COL20A1: variants seen among roughly 807,000 people sequenced by gnomAD.
COL20A1 encodes collagen alpha-1(XX) chain.
Under a neutral mutation model 152.9 loss-of-function variants are expected in COL20A1, and 164 were observed. That is an observed-to-expected ratio of 1.07 (90% CI 0.94 to 1.22). The LOEUF is 1.22. Ranked by LOEUF, COL20A1 falls within the 50% of genes most tolerant of loss-of-function variation. The pLI is 0.00. For missense variants in COL20A1, 1,873 were observed against 1,744.8 expected (o/e 1.07, Z -1.31); for synonymous variants, 864 against 756.0 (o/e 1.14, Z -2.34).
Position 63,316,583 on chromosome 20 carries a change from TG to T in COL20A1, c.2557del (p.Glu853LysfsTer31). On this transcript the variant is annotated frameshift_variant, in exon 21 of 36. Transcript: ENST00000358894. LOFTEE classifies it high-confidence loss of function. The part of the protein sequence containing the change: ...GFDLMVAFSL[V>X]EKAYASIRGV... Reference sequence around the variant, plus strand: ...GACCTGATGGTGGCCTTCAGCCTGGTGGAAAAGGCTTATGCGTCCATCCGGG... The same window carrying T: ...GACCTGATGGTGGCCTTCAGCCTGGTGAAAAGGCTTATGCGTCCATCCGGG... 6.3e-7 allele frequency: 1 copy of T among 1,589,228 alleles called. No individual in the cohort carries two copies. Among genetic ancestry groups the T allele is most frequent in the South Asian group, 1.1e-5 (1 of 87,142 alleles).
chr20:63,321,045 T>G lies in COL20A1; in HGVS notation c.3186T>G (p.Ser1062=), dbSNP rs770055495. 1 of 1,601,150 alleles carries G rather than the reference T, an allele frequency of 6.2e-7. No individual in the cohort carries two copies. The highest frequency in any genetic ancestry group is 8.5e-7 in the Non-Finnish European group (1 of 1,174,682). Reference sequence around the variant, plus strand: ...GAGAGACCTGCCCCGCCTTCGTGTCTGCCTGTTCCTGTTCCTCAGAGACCC... The same window carrying G: ...GAGAGACCTGCCCCGCCTTCGTGTCGGCCTGTTCCTGTTCCTCAGAGACCC... ...RDGETCPAFV[S]ACSCSSETPG... is the part of the protein sequence containing the mutation. The change falls in exon 26 of 36, where the codon TCT becomes TCG. Residue 1062 remains serine (S), a synonymous_variant. Coordinates refer to ENST00000358894, the MANE Select transcript of COL20A1 (RefSeq NM_020882.4).
At position 63,305,080 on chromosome 20, in the gene COL20A1, C is replaced by T. The variant is rs1310412726; in HGVS notation, c.194-337C>T. On this transcript the variant is annotated intron_variant, in intron 3 of 35. Transcript: ENST00000358894. The surrounding 1 kb of genome is among the most constrained non-coding windows in gnomAD (Gnocchi z 4.9). ...CGGACTCTTCCTTCTTGGACCTGGC[C>T]CCTCGGGTCGTCATCCCCTCCCTGG... Among the ~76,000 whole-genome samples the T allele has an allele frequency of 3.9e-5, 6 of 152,168 alleles. No homozygotes were observed. The highest frequency in any genetic ancestry group is 7.3e-5 in the Non-Finnish European group (5 of 68,030).
rs1383967310 is a variant in COL20A1, at chr20:63,319,246, G to A, written c.2806+46G>A. 2 of 1,588,814 alleles carry A rather than the reference G, an allele frequency of 1.3e-6. No individual in the cohort carries two copies. Among genetic ancestry groups the A allele is most frequent in the Non-Finnish European group, 1.7e-6 (2 of 1,166,276 alleles). On this transcript the variant is annotated intron_variant, in intron 22 of 35. Transcript: ENST00000358894. The surrounding 1 kb of genome is among the most constrained non-coding windows in gnomAD (Gnocchi z 4.4). ...CCCCCAGCAGTCAGGAGGAGTAGGG[G>A]CAGGGAGGCCCCAGAGCCCTGGGAG...
Position 63,313,824 on chromosome 20 carries a change from C to T in COL20A1, c.2291C>T (p.Pro764Leu), listed in dbSNP as rs755789566. Residue 764 changes from proline (P) to leucine (L), a missense_variant, in exon 18 of 36, where the codon CCG becomes CTG. Transcript: ENST00000358894. The surrounding 1 kb of genome is among the most constrained non-coding windows in gnomAD (Gnocchi z 5.9). Reference protein sequence around the residue: ...PDSLQVSWTPPLGRVLHYWLT... With the variant: ...PDSLQVSWTPLLGRVLHYWLT... ...AGCCTGCAGGTCAGCTGGACGCCCCCGCTTGGCCGCGTGCTCCATTACTGG... is the reference window on the plus strand; with the variant it reads ...AGCCTGCAGGTCAGCTGGACGCCCCTGCTTGGCCGCGTGCTCCATTACTGG... 6 of 1,611,212 alleles carry T rather than the reference C, an allele frequency of 3.7e-6. No homozygotes were observed. The highest frequency in any genetic ancestry group is 1.7e-5 in the Admixed American group (1 of 59,862).
Position 63,314,163 on chromosome 20 carries a change from C to T in COL20A1, c.2450C>T (p.Ala817Val), listed in dbSNP as rs1454971135. The T allele has an allele frequency of 1.3e-5, 21 of 1,587,072 alleles. No homozygotes were observed. In the South Asian group the frequency reaches 2.2e-4, roughly 16 times the overall value. ...GTCCTGGTCTCAGCTATCTATGCAG[C>T]AGGCAGGAGTGAGGCTGTGTCTGCC... The part of the protein sequence containing the change: ...YRVLVSAIYA[A>V]GRSEAVSATG... Residue 817 changes from alanine (A) to valine (V), a missense_variant, in exon 19 of 36, where the codon GCA (alanine) becomes GTA (valine). Ala to Val is a moderately conservative substitution (Grantham distance 64). Coordinates refer to ENST00000358894, the MANE Select transcript of COL20A1 (RefSeq NM_020882.4).
At chr20:63,315,590 G>T (rs1363438062) in intron 20 of COL20A1, among the ~76,000 whole-genome samples, 151 bp downstream of exon 20, 1 of 152,238 alleles carries the variant, frequency 6.6e-6, no homozygotes, top group East Asian at 1.9e-4. Flanking sequence ...ACGTCCCTGT[G>T]GCTGGCTGGG....
intron 20 of COL20A1, among the ~76,000 whole-genome samples, chr20:63,316,057 AG>A (rs2068079855): frequency 6.6e-6 from 1 of 152,144 alleles, no homozygotes; most frequent in Non-Finnish European, 1.5e-5. Flanking sequence ...GCAGGCCCCC[AG>A]GCAGGGTGGA....
rs377073867 is a variant in COL20A1, at chr20:63,309,851, C to A, written c.1199C>A (p.Ala400Asp). ...SSSIRLSWTP[A>D]PRHPLKYLIV... Reference sequence around the variant, plus strand: ...AGCATCCGCCTGTCCTGGACTCCAGCCCCCCGGCACCCCCTCAAGTATCTG... The same window carrying A: ...AGCATCCGCCTGTCCTGGACTCCAGACCCCCGGCACCCCCTCAAGTATCTG... Residue 400 changes from alanine (A) to aspartate (D), a missense_variant, in exon 10 of 36, where the codon GCC becomes GAC. Coordinates refer to ENST00000358894, the MANE Select transcript of COL20A1 (RefSeq NM_020882.4). 4 of 1,610,680 alleles carry A rather than the reference C, an allele frequency of 2.5e-6. No homozygotes were observed. In the African/African-American group the frequency reaches 5.3e-5, roughly 22 times the overall value.
chr20:63,293,565 G>A (rs866347907), intron 1 of COL20A1, among the ~76,000 whole-genome samples: 3 of 152,132 alleles, frequency 2.0e-5, no homozygotes, highest in Admixed American at 1.3e-4. Flanking sequence ...AGCAGAGAGC[G>A]GCTTGCACTT....
At chr20:63,309,525 T>G (rs1419425771) in intron 9 of COL20A1, 28 bp downstream of exon 9, 1 of 1,474,812 alleles carries the variant, frequency 6.8e-7, no homozygotes. Flanking sequence ...CCGCACAGGC[T>G]GCAGCCCCCC....
At chr20:63,308,208 T>C in intron 7 of COL20A1, 118 bp downstream of exon 7, 1 of 1,260,494 alleles carries the variant, frequency 7.9e-7, no homozygotes, top group Non-Finnish European at 1.1e-6. Context: ...CTGAGCCCTG[T>C]TCACACCTTT....
In COL20A1 at chr20:63,309,832, C is replaced by CAT; in HGVS notation, c.1180_1181insAT (p.Arg394HisfsTer16). 1.2e-6 allele frequency: 2 copies of CAT among 1,610,788 alleles called. No homozygotes were observed. The highest frequency in any genetic ancestry group is 1.7e-6 in the Non-Finnish European group (2 of 1,178,892). The stretch of plus-strand genomic sequence containing the variant: ...GAGCCAGGTGACCTCCTCCAGCATC[C>CAT]GCCTGTCCTGGACTCCAGCCCCCCG... On this transcript the variant is annotated frameshift_variant, in exon 10 of 36. Transcript: ENST00000358894. LOFTEE classifies it high-confidence loss of function.
intron 35 of COL20A1, among the ~76,000 whole-genome samples, chr20:63,330,140 G>A (rs1175249803): frequency 6.6e-6 from 1 of 152,100 alleles, no homozygotes; most frequent in Non-Finnish European, 1.5e-5. Flanking sequence ...AGTAGCACCA[G>A]GTAACCTCTG....
At position 63,334,754 on chromosome 20, in the gene COL20A1, TCAAA is replaced by T. The variant is rs1208777306; in HGVS notation, c.*4042_*4045del. Reference sequence around the variant, plus strand: ...CACAGTTTTTAGGGAAGATTCCAACTCAAACAATTTTAAATAGTAGAAAATAAAC... The same window carrying T: ...CACAGTTTTTAGGGAAGATTCCAACTCAATTTTAAATAGTAGAAAATAAAC... On this transcript the variant is annotated 3_prime_UTR_variant, in exon 36 of 36. Coordinates refer to ENST00000358894, the MANE Select transcript of COL20A1 (RefSeq NM_020882.4). The T allele has an allele frequency of 6.6e-6, 1 of 152,230 alleles. No homozygotes were observed. The highest frequency in any genetic ancestry group is 1.5e-5 in the Non-Finnish European group (1 of 68,050). The allele number at this position is 152,230 out of a possible 1,614,324, so 9.4% of individuals were successfully genotyped here.
rs1568762516 is a variant in COL20A1 at position 63,298,010 on chromosome 20, G to A, written c.183G>A (p.Lys61=). ...GSGLGYLVQV[K]PMAGDSEQEV... ...GCCTCGGCTACCTGGTGCAGGTGAA[G>A]CCCATGGCAGGTGAGGACCTGCCCC... is the stretch of plus-strand genomic sequence containing the variant. The change falls in exon 3 of 36, where the codon AAG becomes AAA. Residue 61 remains lysine, a synonymous_variant. Transcript: ENST00000358894. 8.1e-6 allele frequency: 13 copies of A among 1,609,838 alleles called. No homozygotes were observed. Among genetic ancestry groups the A allele is most frequent in the Non-Finnish European group, 1.0e-5 (12 of 1,178,504 alleles).
chr20:63,328,143 AGAGT>A lies in COL20A1; in HGVS notation c.3613+24_3613+27del, dbSNP rs775167856. ...AGCCAGGCCTGTGAGTCTGCCATTC[AGAGT>A]GAGTGAGGCCAGCAGCCCTGCACCT... On this transcript the variant is annotated intron_variant, in intron 33 of 35. Transcript: ENST00000358894. 9.3e-6 allele frequency: 15 copies of A among 1,612,634 alleles called. No homozygotes were observed. Among genetic ancestry groups the A allele is most frequent in the Middle Eastern group, 1.7e-4 (1 of 5,840 alleles).
chr20:63,315,354 T>C (rs960481199), intron 19 of COL20A1, 50 bp from the exon 20 acceptor site: 3 of 1,540,472 alleles, frequency 1.9e-6, no homozygotes, highest in African/African-American at 2.7e-5. Flanking sequence ...CTGTCAGGCG[T>C]TGGAGGCTGG....
At position 63,313,214 on chromosome 20, in the gene COL20A1, C is replaced by T; in HGVS notation, c.2174C>T (p.Ala725Val). 1.2e-6 allele frequency: 2 copies of T among 1,612,314 alleles called. No individual in the cohort carries two copies. The highest frequency in any genetic ancestry group is 1.3e-5 in the African/African-American group (1 of 75,022). The change falls in exon 17 of 36, where the codon GCC becomes GTC. Residue 725 changes from alanine (A) to valine (V), a missense_variant. Transcript: ENST00000358894. The surrounding 1 kb of genome is among the most constrained non-coding windows in gnomAD (Gnocchi z 5.9). ...VTILAYYRDG[A>V]RSDPVSLRYT... is the part of the protein sequence containing the mutation. ...ATCTTGGCCTACTACAGGGACGGGG[C>T]CCGCAGTGACCCTGTGTCCCTCCGC... is the stretch of plus-strand genomic sequence containing the variant.
intron 7 of COL20A1, 71 bp from the exon 8 acceptor site, chr20:63,308,471 G>A (rs552972848): frequency 5.3e-5 from 73 of 1,384,426 alleles, no homozygotes; most frequent in East Asian, 2.8e-4. Context: ...TCTGCTGTCC[G>A]GTTGCTGCCA....
Sources: allele counts gnomAD v4.1 joint callset (sites outside exome capture counted in the v4.1 genomes callset), GRCh38; gene constraint gnomAD v4.1.1; non-coding constraint Gnocchi (gnomAD v3.1); transcripts MANE v1.5; gene names NCBI Gene and HGNC (gene_info 2026-07-23, HGNC 2026-07-21).